Variants in CCDC141 observed in about 807,000 individuals in gnomAD.
CCDC141 encodes coiled-coil domain containing 141, also known as coiled-coil domain-containing protein 141.
Under a neutral mutation model 181.0 loss-of-function variants are expected in CCDC141, and 168 were observed. That is an observed-to-expected ratio of 0.93 (90% confidence interval 0.82 to 1.05). The LOEUF (loss-of-function observed/expected upper bound fraction) is 1.05, where lower values mean the gene tolerates loss of function less well. CCDC141 is among the 50% of genes least tolerant of loss of function. CCDC141 has a pLI of 0.00. For synonymous variants in CCDC141, 666 were observed against 642.3 expected (o/e 1.04, Z -0.56); for missense variants, 1,902 against 1,788.5 (o/e 1.06, Z -1.14).
intron 2 of CCDC141, among the ~76,000 whole-genome samples, chr2:178,979,459 C>T (rs1691269895): frequency 6.6e-6 from 1 of 151,990 alleles, no homozygotes; most frequent in South Asian, 2.1e-4. Flanking sequence ...CACACACAAA[C>T]ATAATGACAA....
chr2:178,959,341 A>G (rs1431107528), intron 5 of CCDC141, among the ~76,000 whole-genome samples: 2 of 152,028 alleles, frequency 1.3e-5, no homozygotes, highest in Non-Finnish European at 2.9e-5. Flanking sequence ...AAAAAAAAAG[A>G]ATGAAGAGAT....
chr2:178,874,354 A>G (rs907157109), intron 12 of CCDC141: 1 of 152,190 alleles, frequency 6.6e-6, no homozygotes, highest in Non-Finnish European at 1.5e-5. Flanking sequence ...TGACATCAAG[A>G]TAAAAGAACA....
At chr2:178,871,574 T>C in intron 13 of CCDC141, 22 bp from the exon 14 acceptor site, 1 of 1,608,016 alleles carries the variant, frequency 6.2e-7, no homozygotes, top group Non-Finnish European at 8.5e-7. Flanking sequence ...ATTGGACAGT[T>C]ACACATGCAT....
At chr2:178,897,261 C>T (rs1396654206) in intron 8 of CCDC141, among the ~76,000 whole-genome samples, 1 of 152,178 alleles carries the variant, frequency 6.6e-6, no homozygotes, top group Non-Finnish European at 1.5e-5. Context: ...GACACTTCAC[C>T]TGTCACATTC....
intron 12 of CCDC141, chr2:178,875,235 G>C (rs1327081738): frequency 2.6e-5 from 4 of 152,208 alleles, no homozygotes; most frequent in Non-Finnish European, 5.9e-5. Context: ...CAGGACTACA[G>C]GACTGGAAAC....
chr2:179,013,772 C>T (rs533165736), intron 2 of CCDC141, among the ~76,000 whole-genome samples: 59 of 151,872 alleles, frequency 3.9e-4, no homozygotes, highest in African/African-American at 1.4e-3. Context: ...TCGAGACCAT[C>T]CTGGCTAACA....
chr2:178,859,415 C>T (rs1685511051), intron 17 of CCDC141, among the ~76,000 whole-genome samples: 1 of 152,246 alleles, frequency 6.6e-6, no homozygotes, highest in Admixed American at 6.5e-5. Context: ...ACTGTTCACA[C>T]AGCTGTTTCT....
At chr2:178,913,096 G>A (rs1215457247) in intron 7 of CCDC141, among the ~76,000 whole-genome samples, 3 of 152,128 alleles carry the variant, frequency 2.0e-5, no homozygotes, top group Non-Finnish European at 2.9e-5. Context: ...TGGAAAGCAG[G>A]GATTATATCT....
intron 5 of CCDC141, among the ~76,000 whole-genome samples, chr2:178,953,212 G>A (rs956934945): frequency 4.6e-5 from 7 of 152,100 alleles, no homozygotes; most frequent in East Asian, 1.9e-4. Context: ...CGAGGCAGGC[G>A]GATCACAATG....
At chr2:178,850,432 G>C (rs2154367056) in intron 20 of CCDC141, among the ~76,000 whole-genome samples, 1 of 152,298 alleles carries the variant, frequency 6.6e-6, no homozygotes, top group African/African-American at 2.4e-5. Context: ...ATTCTCCTTA[G>C]TTTTTCCTGT....
chr2:178,885,108 A>T lies in CCDC141; in HGVS notation c.1528-16T>A. On this transcript the variant is annotated splice_polypyrimidine_tract_variant and intron_variant, in intron 10 of 23. Transcript: ENST00000443758. Reference sequence around the variant, plus strand: ...GTGATGTCTCCTGTAAAAGCAAAGCACTGGAGGTCAGAAACTGACAGGGGA... The same window carrying T: ...GTGATGTCTCCTGTAAAAGCAAAGCTCTGGAGGTCAGAAACTGACAGGGGA... 3 of 1,529,870 alleles carry T rather than the reference A, an allele frequency of 2.0e-6. No individual in the cohort carries two copies. The highest frequency in any genetic ancestry group is 2.7e-6 in the Non-Finnish European group (3 of 1,131,904). 94.8% of individuals were successfully genotyped at this position (1,529,870 alleles called of 1,614,324 possible).
chr2:178,848,318 T>C (rs1005189581), intron 21 of CCDC141, among the ~76,000 whole-genome samples: 26 of 152,158 alleles, frequency 1.7e-4, no homozygotes, highest in African/African-American at 6.0e-4. Flanking sequence ...CTTCAGAACA[T>C]TGAAAGGCCT....
chr2:179,001,087 AATAAGCT>A (rs2041956646), intron 2 of CCDC141, among the ~76,000 whole-genome samples: 1 of 152,186 alleles, frequency 6.6e-6, no homozygotes, highest in Non-Finnish European at 1.5e-5. Context: ...GAACTCAGAG[AATAAGCT>A]ATGGATCCCC....
In CCDC141 at chr2:179,015,469, T is replaced by TATATGTGCCATATATATCTC. The variant is rs1343292614; in HGVS notation, c.225+31814_225+31815insGAGATATATATGGCACATAT. Among the ~76,000 whole-genome samples, 1,003 of 105,114 alleles carry TATATGTGCCATATATATCTC rather than the reference T, an allele frequency of 9.5e-3. 28 individuals are homozygous for TATATGTGCCATATATATCTC. The Middle Eastern group carries it at 0.1, about 10-fold the overall frequency. The allele number at this position is 105,114 out of a possible 152,430, so 69.0% of individuals were successfully genotyped here. ...TCATATATGTACCATATATATCTCA[T>TATATGTGCCATATATATCTC]ATATGTGCCATATATATCATATATG... On this transcript the variant is annotated intron_variant, in intron 2 of 23. Transcript: ENST00000443758.
intron 6 of CCDC141, among the ~76,000 whole-genome samples, chr2:178,934,310 A>C (rs995263699): frequency 2.6e-5 from 4 of 152,188 alleles, no homozygotes; most frequent in Non-Finnish European, 5.9e-5. Context: ...TCTCAAAAAA[A>C]ATAATTAGCA....
chr2:179,038,282 G>T (rs893340357), intron 2 of CCDC141, among the ~76,000 whole-genome samples: 1 of 152,180 alleles, frequency 6.6e-6, no homozygotes, highest in Non-Finnish European at 1.5e-5. Context: ...CAAATATTGT[G>T]TGATTCCATT....
intron 4 of CCDC141, among the ~76,000 whole-genome samples, chr2:178,970,104 G>A (rs562390557): frequency 1.4e-4 from 21 of 152,196 alleles, no homozygotes; most frequent in Middle Eastern, 6.8e-3. Flanking sequence ...ACCAACCACC[G>A]CTCAAGGAAA....
chr2:178,901,752 G>A (rs959932228), intron 8 of CCDC141, among the ~76,000 whole-genome samples: 46 of 151,654 alleles, frequency 3.0e-4, no homozygotes, highest in East Asian at 7.8e-4. Context: ...GGAAGTTCTG[G>A]CCAGGGCAAT....
At chr2:178,934,816 T>G (rs1013987330) in intron 6 of CCDC141, among the ~76,000 whole-genome samples, 10 of 152,212 alleles carry the variant, frequency 6.6e-5, no homozygotes, top group Non-Finnish European at 1.0e-4. Flanking sequence ...GTTACCACAT[T>G]ATTTATAGGA....
Sources: allele counts gnomAD v4.1 joint callset (sites outside exome capture counted in the v4.1 genomes callset), GRCh38; gene constraint gnomAD v4.1.1; transcripts MANE v1.5; gene names NCBI Gene and HGNC (gene_info 2026-07-23, HGNC 2026-07-21).